INPP4B: variants seen among roughly 807,000 people sequenced by gnomAD.
INPP4B encodes inositol polyphosphate-4-phosphatase type II B, also known as inositol polyphosphate 4-phosphatase type II.
Under a neutral mutation model 122.5 loss-of-function variants are expected in INPP4B, and 55 were observed. The ratio of observed to expected loss-of-function variants is 0.45; its 90% CI spans 0.36 to 0.56. The LOEUF (loss-of-function observed/expected upper bound fraction) is 0.56, where lower values mean the gene tolerates loss of function less well. Among genes scored for constraint, INPP4B ranks in the 20% least tolerant of loss-of-function variants. INPP4B has a pLI of 0.00. For missense variants in INPP4B, 1,000 were observed against 1,097.7 expected, an observed-to-expected ratio of 0.91 and a Z score of 1.26; for synonymous variants, 403 against 388.7, an observed-to-expected ratio of 1.04 and a Z score of -0.43.
intron 3 of INPP4B, among the ~76,000 whole-genome samples, chr4:142,433,145 T>G (rs962488652): frequency 1.3e-5 from 2 of 152,202 alleles, no homozygotes; most frequent in Non-Finnish European, 2.9e-5. Context: ...GATTTGGTAC[T>G]TGTTATCCAA....
At chr4:142,306,233 T>G (rs1163993863) in intron 8 of INPP4B, among the ~76,000 whole-genome samples, 4 of 118,814 alleles carry the variant, frequency 3.4e-5, no homozygotes, top group Non-Finnish European at 1.7e-5. Flanking sequence ...CAAATTGTTT[T>G]TTTTTTTTTT....
intron 8 of INPP4B, 59 bp downstream of exon 8, chr4:142,314,653 T>C (rs1431893946): frequency 6.6e-7 from 1 of 1,506,470 alleles, no homozygotes; most frequent in Admixed American, 1.9e-5. Context: ...CCAGAGAAAA[T>C]CCAAATGATT....
chr4:142,164,607 C>T (rs11100745), intron 16 of INPP4B, among the ~76,000 whole-genome samples: 6,600 of 151,730 alleles, frequency 0.043, 333 homozygotes, highest in East Asian at 0.16. Flanking sequence ...TATCCATTTG[C>T]CCTTGGAAAA....
chr4:142,727,770 C>T (rs889014618), intron 1 of INPP4B, among the ~76,000 whole-genome samples: 7 of 151,890 alleles, frequency 4.6e-5, no homozygotes, highest in African/African-American at 1.2e-4. Flanking sequence ...CCTAGCTATT[C>T]GAAAGGCTGA....
At chr4:142,624,818 T>A (rs1232216567) in intron 2 of INPP4B, among the ~76,000 whole-genome samples, 1 of 152,234 alleles carries the variant, frequency 6.6e-6, no homozygotes. Flanking sequence ...GATGCAAGGC[T>A]GGTTCAATAT....
At chr4:142,828,579 A>G (rs1428729885) in intron 1 of INPP4B, among the ~76,000 whole-genome samples, 3 of 152,224 alleles carry the variant, frequency 2.0e-5, no homozygotes, top group African/African-American at 7.2e-5. Flanking sequence ...TTGGAGAAAA[A>G]GTTCCTCAAC....
chr4:142,358,706 G>C (rs902677846), intron 7 of INPP4B, among the ~76,000 whole-genome samples: 1 of 147,434 alleles, frequency 6.8e-6, no homozygotes, highest in East Asian at 2.0e-4. Flanking sequence ...CCAAGGTTGA[G>C]AGCCATGTCG....
chr4:142,704,775 C>T (rs1396848675), intron 2 of INPP4B, among the ~76,000 whole-genome samples: 1 of 152,190 alleles, frequency 6.6e-6, no homozygotes, highest in Admixed American at 6.5e-5. Flanking sequence ...AACTCTCCCT[C>T]AAGCCCTTGC....
At chr4:142,390,901 T>C (rs1190938614) in intron 7 of INPP4B, among the ~76,000 whole-genome samples, 3 of 152,122 alleles carry the variant, frequency 2.0e-5, no homozygotes, top group Non-Finnish European at 2.9e-5. Flanking sequence ...ATGGTGTCTT[T>C]TAGGAGGTTC....
chr4:142,301,403 T>A (rs757391747), intron 9 of INPP4B, among the ~76,000 whole-genome samples: 1 of 152,036 alleles, frequency 6.6e-6, no homozygotes, highest in South Asian at 2.1e-4. Flanking sequence ...GAAGAAAAAA[T>A]TCCGTTAGAT....
At chr4:142,554,043 G>T (rs929896876) in intron 2 of INPP4B, among the ~76,000 whole-genome samples, 1 of 151,896 alleles carries the variant, frequency 6.6e-6, no homozygotes, top group Non-Finnish European at 1.5e-5. Flanking sequence ...ATAAAAATTA[G>T]CTGGGCATGG....
chr4:142,030,248 T>C, intron 25 of INPP4B: 1 of 1,535,670 alleles, frequency 6.5e-7, no homozygotes, highest in South Asian at 1.2e-5. Context: ...TGTTATCAGT[T>C]AGACAGCCTG....
At chr4:142,311,142 T>C (rs1765366937) in intron 8 of INPP4B, among the ~76,000 whole-genome samples, 1 of 152,162 alleles carries the variant, frequency 6.6e-6, no homozygotes, top group Admixed American at 6.6e-5. Context: ...GAGCTTAAAC[T>C]CTCCGATCTG....
intron 2 of INPP4B, among the ~76,000 whole-genome samples, chr4:142,667,253 G>GT (rs1385379257): frequency 6.6e-6 from 1 of 152,128 alleles, no homozygotes; most frequent in Admixed American, 6.6e-5. Flanking sequence ...TCACATTTTA[G>GT]TTTTTTCTTG....
At chr4:142,584,800 G>A (rs1735819659) in intron 2 of INPP4B, among the ~76,000 whole-genome samples, 1 of 152,002 alleles carries the variant, frequency 6.6e-6, no homozygotes. Context: ...TTTAAGAGTG[G>A]GAGTTATGTT....
Position 142,082,096 on chromosome 4 carries a change from T to G in INPP4B, c.2577A>C (p.Ser859=). 6.6e-7 allele frequency: 1 copy of G among 1,511,440 alleles called. No homozygotes were observed. The highest frequency in any genetic ancestry group is 9.0e-7 in the Non-Finnish European group (1 of 1,108,062). 93.6% of individuals were successfully genotyped at this position (1,511,440 alleles called of 1,614,324 possible). ...TSMSVTLEQC[S]ILRDEHQLHK... is the part of the protein sequence containing the mutation. ...GTAACTGGTGCTCATCTCTCAAGAT[T>G]GAGCATTGTTCAAGTGTCACTGACA... The change falls in exon 25 of 26, where the codon TCA becomes TCC. Residue 859 remains serine, a synonymous_variant. Coordinates refer to ENST00000262992, the MANE Select transcript of INPP4B (RefSeq NM_001101669.3).
chr4:142,272,117 T>C (rs887150776), intron 9 of INPP4B, among the ~76,000 whole-genome samples: 5 of 152,224 alleles, frequency 3.3e-5, no homozygotes, highest in Non-Finnish European at 5.9e-5. Context: ...TCATGAAATT[T>C]GTTTTCAACT....
intron 2 of INPP4B, among the ~76,000 whole-genome samples, chr4:142,712,085 A>G (rs970087721): frequency 2.6e-5 from 4 of 152,170 alleles, no homozygotes; most frequent in Admixed American, 2.6e-4. Context: ...GAGATCCAAA[A>G]GAGATGCTCA....
chr4:142,086,852 C>T (rs1777091044), intron 23 of INPP4B, among the ~76,000 whole-genome samples: 1 of 152,194 alleles, frequency 6.6e-6, no homozygotes. Flanking sequence ...ATGTTGGCTT[C>T]TGTCTCACTT....
Sources: gnomAD v4.1 joint callset for allele counts (sites outside exome capture counted in the v4.1 genomes callset) on GRCh38, gnomAD v4.1.1 for gene constraint, MANE v1.5 for transcripts, NCBI Gene and HGNC (gene_info 2026-07-23, HGNC 2026-07-21) for gene names.